MEGF9: variants seen among roughly 807,000 people sequenced by gnomAD.
MEGF9 encodes multiple EGF like domains 9, also known as multiple epidermal growth factor-like domains protein 9.
Under a neutral mutation model 46.8 loss-of-function variants are expected in MEGF9, and 6 were observed. That is an observed-to-expected ratio of 0.13 (90% CI 0.07 to 0.25). The LOEUF is 0.25. MEGF9 is among the 10% of genes least tolerant of loss of function. The pLI, the probability that MEGF9 is intolerant of heterozygous loss-of-function variation, is 1.00. For synonymous variants in MEGF9, 302 were observed against 330.7 expected (o/e 0.91, Z 0.94); for missense variants, 683 against 792.4 (o/e 0.86, Z 1.66).
chr9:120,617,147 G>A (rs1439692531), intron 3 of MEGF9, among the ~76,000 whole-genome samples: 2 of 152,066 alleles, frequency 1.3e-5, no homozygotes, highest in Non-Finnish European at 2.9e-5. Context: ...AAAAGAAAAA[G>A]GAATGTTTCC....
chr9:120,636,082 T>C (rs76524823), intron 2 of MEGF9, among the ~76,000 whole-genome samples: 49 of 152,284 alleles, frequency 3.2e-4, no homozygotes, highest in Admixed American at 1.4e-3. Context: ...TTAACACGTG[T>C]ATGTCACCAC....
intron 1 of MEGF9, among the ~76,000 whole-genome samples, chr9:120,683,450 T>C (rs2043807790): frequency 6.6e-6 from 1 of 152,196 alleles, no homozygotes. Context: ...CATGCTCTTC[T>C]AGTGATAGTG....
chr9:120,688,155 A>ACACG (rs969640409), intron 1 of MEGF9, among the ~76,000 whole-genome samples: 4 of 151,412 alleles, frequency 2.6e-5, no homozygotes, highest in Admixed American at 2.0e-4. Flanking sequence ...ACACACACAC[A>ACACG]CACACACACA....
At chr9:120,617,126 A>G (rs1329464038) in intron 3 of MEGF9, among the ~76,000 whole-genome samples, 1 of 152,180 alleles carries the variant, frequency 6.6e-6, no homozygotes, top group African/African-American at 2.4e-5. Flanking sequence ...AAGATGGCCA[A>G]AGGGTGGATC....
intron 2 of MEGF9, among the ~76,000 whole-genome samples, chr9:120,634,986 T>G (rs1337638362): frequency 6.6e-6 from 1 of 152,230 alleles, no homozygotes; most frequent in Non-Finnish European, 1.5e-5. Flanking sequence ...CTTGAGCATT[T>G]CATGTAAGGC....
At chr9:120,626,379 T>A (rs531307301) in intron 2 of MEGF9, among the ~76,000 whole-genome samples, 1 of 152,368 alleles carries the variant, frequency 6.6e-6, no homozygotes, top group South Asian at 2.1e-4. Flanking sequence ...TTTCTTGTGG[T>A]AGTAATGCTC....
At chr9:120,678,253 A>G (rs928700500) in intron 1 of MEGF9, among the ~76,000 whole-genome samples, 1 of 152,254 alleles carries the variant, frequency 6.6e-6, no homozygotes, top group Non-Finnish European at 1.5e-5. Context: ...TGCAACAAAC[A>G]TGGGAATGCA....
intron 2 of MEGF9, among the ~76,000 whole-genome samples, chr9:120,652,141 AGCAC>A (rs1278684726): frequency 7.4e-4 from 87 of 117,780 alleles, no homozygotes; most frequent in African/African-American, 2.7e-3. Context: ...CAAACAAACA[AGCAC>A]ACACACACAC....
At chr9:120,635,851 C>A (rs564490967) in intron 2 of MEGF9, among the ~76,000 whole-genome samples, 1 of 152,252 alleles carries the variant, frequency 6.6e-6, no homozygotes, top group East Asian at 1.9e-4. Flanking sequence ...TAGAAAGTGA[C>A]GTTCCTTTGG....
chr9:120,672,433 A>AAAATAAATAAAT (rs145401927), intron 1 of MEGF9, among the ~76,000 whole-genome samples: 3,659 of 144,818 alleles, frequency 0.025, 133 homozygotes, highest in African/African-American at 0.091. Flanking sequence ...TCTCTACAGA[A>AAAATAAATAAAT]AAATAAATAA....
intron 2 of MEGF9, among the ~76,000 whole-genome samples, chr9:120,648,810 G>A (rs1205309750): frequency 6.6e-6 from 1 of 152,178 alleles, no homozygotes; most frequent in Non-Finnish European, 1.5e-5. Flanking sequence ...GACCTTCAGA[G>A]CCCTATATGA....
intron 2 of MEGF9, among the ~76,000 whole-genome samples, chr9:120,637,560 G>A (rs147826017): frequency 0.016 from 2,471 of 151,014 alleles, 62 homozygotes; most frequent in African/African-American, 0.056. Flanking sequence ...TTGGGAGGCC[G>A]AGGTGGGTAG....
intron 1 of MEGF9, among the ~76,000 whole-genome samples, chr9:120,708,665 G>A (rs564959067): frequency 1.3e-5 from 2 of 152,060 alleles, no homozygotes; most frequent in East Asian, 3.8e-4. Flanking sequence ...AATTTATTCT[G>A]CCCTATGAGG....
chr9:120,710,408 G>A (rs928408815), intron 1 of MEGF9, among the ~76,000 whole-genome samples: 1 of 132,516 alleles, frequency 7.5e-6, no homozygotes, highest in African/African-American at 2.9e-5. Flanking sequence ...TGGGCAACAA[G>A]AGCGAAACTC....
chr9:120,613,260 T>C (rs1363151893), intron 3 of MEGF9, among the ~76,000 whole-genome samples: 2 of 152,032 alleles, frequency 1.3e-5, no homozygotes, highest in Non-Finnish European at 2.9e-5. Context: ...GGATACAGAG[T>C]ACACTAACCA....
At chr9:120,659,708 C>A (rs1008230336) in intron 1 of MEGF9, 133 bp from the exon 2 acceptor site, 4 of 742,776 alleles carry the variant, frequency 5.4e-6, no homozygotes, top group Non-Finnish European at 8.5e-6. Flanking sequence ...AACTCTAGTT[C>A]AAATTTACTT....
intron 2 of MEGF9, among the ~76,000 whole-genome samples, chr9:120,647,291 G>A (rs577537603): frequency 5.3e-5 from 8 of 151,984 alleles, no homozygotes; most frequent in South Asian, 2.1e-4. Context: ...TATTAGATAC[G>A]CATTATTTAC....
intron 2 of MEGF9, among the ~76,000 whole-genome samples, chr9:120,629,396 T>C (rs956903246): frequency 1.1e-4 from 17 of 152,254 alleles, no homozygotes; most frequent in African/African-American, 3.6e-4. Flanking sequence ...TCCCAGCACT[T>C]TGACAGGCCA....
At position 120,605,369 on chromosome 9, in the gene MEGF9, G is replaced by C; in HGVS notation, c.1630C>G (p.Arg544Gly). Residue 544 changes from arginine to glycine, a missense_variant, in exon 6 of 6, where the codon CGG becomes GGG. Arg to Gly is a moderately radical substitution (Grantham distance 125, BLOSUM62 -2). This residue lies in a region of MEGF9 where 313 missense variants were observed against 421.1 expected (regional missense o/e 0.74). Coordinates refer to ENST00000373930, the MANE Select transcript of MEGF9 (RefSeq NM_001080497.3). This position sits in a 1 kb window ranked among gnomAD's most constrained non-coding sequence, Gnocchi z 4.0. The part of the protein sequence containing the change: ...AVYMYREYQN[R>G]KLNAPFWTIE... ...GTCCAAAAGGGGGCATTGAGTTTCC[G>C]GTTTTGGTACTCGCGGTACATATAT... 6.2e-7 allele frequency: 1 copy of C among 1,613,972 alleles called. No individual in the cohort carries two copies. Among genetic ancestry groups the C allele is most frequent in the Non-Finnish European group, 8.5e-7 (1 of 1,179,888 alleles).
Sources: allele counts gnomAD v4.1 joint callset (sites outside exome capture counted in the v4.1 genomes callset), GRCh38; gene constraint gnomAD v4.1.1; regional missense constraint gnomAD v4.1.1; non-coding constraint Gnocchi (gnomAD v3.1); transcripts MANE v1.5; gene names NCBI Gene and HGNC (gene_info 2026-07-23, HGNC 2026-07-21).